CSMD1: variants seen among roughly 807,000 people sequenced by gnomAD.
The protein encoded by CSMD1 is CUB and Sushi multiple domains 1.
Under a neutral mutation model 417.5 loss-of-function variants are expected in CSMD1, and 213 were observed. That is an observed-to-expected ratio of 0.51 (90% CI 0.46 to 0.57). The LOEUF (loss-of-function observed/expected upper bound fraction) is 0.57, where lower values mean the gene tolerates loss of function less well. CSMD1 is among the 20% of genes least tolerant of loss of function. CSMD1 has a pLI of 0.00. For synonymous variants in CSMD1, 2,862 were observed against 1,736.8 expected, an observed-to-expected ratio of 1.65 and a Z score of -16.11; for missense variants, 6,923 against 4,529.7, an observed-to-expected ratio of 1.53 and a Z score of -15.17.
At chr8:4,269,972 A>C (rs1804476308) in intron 3 of CSMD1, among the ~76,000 whole-genome samples, 1 of 152,216 alleles carries the variant, frequency 6.6e-6, no homozygotes, top group South Asian at 2.1e-4. Context: ...GAGGCACAGC[A>C]AAATGTTGAC....
At chr8:4,206,019 A>G (rs188485933) in intron 3 of CSMD1, among the ~76,000 whole-genome samples, 52 of 152,166 alleles carry the variant, frequency 3.4e-4, no homozygotes, top group African/African-American at 1.2e-3. Flanking sequence ...CAGAAACTAC[A>G]TAGTTCCTCC....
intron 3 of CSMD1, among the ~76,000 whole-genome samples, chr8:4,386,408 T>C (rs1241442336): frequency 6.6e-6 from 1 of 152,218 alleles, no homozygotes; most frequent in Admixed American, 6.5e-5. Flanking sequence ...CGGTTATGAC[T>C]TCCATCCCAC....
intron 3 of CSMD1, among the ~76,000 whole-genome samples, chr8:4,133,167 G>C (rs932815550): frequency 6.6e-6 from 1 of 152,012 alleles, no homozygotes; most frequent in Non-Finnish European, 1.5e-5. Flanking sequence ...CAAACTCCTG[G>C]CCTTGTGATC....
intron 1 of CSMD1, among the ~76,000 whole-genome samples, chr8:4,736,271 C>A (rs1038043338): frequency 6.6e-6 from 1 of 152,090 alleles, no homozygotes; most frequent in Non-Finnish European, 1.5e-5. Context: ...TTATTTTCTT[C>A]AGGTCACTGC....
At chr8:4,080,509 A>T (rs1800074633) in intron 3 of CSMD1, among the ~76,000 whole-genome samples, 1 of 152,232 alleles carries the variant, frequency 6.6e-6, no homozygotes, top group African/African-American at 2.4e-5. Flanking sequence ...CTTGCAAAAG[A>T]AGATACTGAT....
At chr8:3,467,897 T>C (rs1037116128) in intron 12 of CSMD1, among the ~76,000 whole-genome samples, 10 of 152,246 alleles carry the variant, frequency 6.6e-5, no homozygotes, top group Non-Finnish European at 1.3e-4. Flanking sequence ...AATAAGAACA[T>C]ACTGCCTATT....
At chr8:4,316,767 C>T (rs1424286762) in intron 3 of CSMD1, among the ~76,000 whole-genome samples, 1 of 152,044 alleles carries the variant, frequency 6.6e-6, no homozygotes, top group Admixed American at 6.6e-5. Flanking sequence ...CCCCCAAAAC[C>T]CTTTTCAAAT....
intron 4 of CSMD1, among the ~76,000 whole-genome samples, chr8:4,025,375 C>T (rs1255863209): frequency 6.6e-6 from 1 of 152,094 alleles, no homozygotes; most frequent in African/African-American, 2.4e-5. Flanking sequence ...CCTGTAGGAC[C>T]CTAGATCTCA....
chr8:3,194,273 T>C (rs999881441), intron 33 of CSMD1, among the ~76,000 whole-genome samples: 3 of 152,046 alleles, frequency 2.0e-5, no homozygotes, highest in Non-Finnish European at 4.4e-5. Flanking sequence ...GGAAAATCAA[T>C]CAAAACATGT....
intron 3 of CSMD1, among the ~76,000 whole-genome samples, chr8:4,346,407 C>T (rs774023503): frequency 5.3e-5 from 8 of 152,134 alleles, no homozygotes; most frequent in Non-Finnish European, 1.0e-4. Flanking sequence ...TGAACAGTTA[C>T]ATCAGGGAGT....
chr8:4,469,908 C>A (rs1178790700), intron 2 of CSMD1, among the ~76,000 whole-genome samples: 1 of 151,842 alleles, frequency 6.6e-6, no homozygotes, highest in East Asian at 2.0e-4. Flanking sequence ...CGCTCTGTCG[C>A]CCTGGCTGGA....
chr8:3,754,550 G>A (rs758967479), intron 5 of CSMD1, among the ~76,000 whole-genome samples: 2 of 152,124 alleles, frequency 1.3e-5, no homozygotes, highest in African/African-American at 2.4e-5. Flanking sequence ...CGCCTCCTGG[G>A]TTCAAGCGAT....
intron 22 of CSMD1, among the ~76,000 whole-genome samples, chr8:3,343,826 G>C (rs1045818226): frequency 1.3e-5 from 2 of 152,032 alleles, no homozygotes; most frequent in Non-Finnish European, 2.9e-5. Context: ...TAATATTTTA[G>C]TCTTGAATAT....
intron 3 of CSMD1, among the ~76,000 whole-genome samples, chr8:4,359,107 A>G (rs1419203297): frequency 6.6e-6 from 1 of 152,206 alleles, no homozygotes; most frequent in Non-Finnish European, 1.5e-5. Flanking sequence ...AAATGCAGGA[A>G]TACTAGGGTA....
rs145689070 is a variant in CSMD1, at chr8:4,343,442, T to C, written c.415+76511A>G. ...AAAAAATTATTAAAAATGGTCACTA[T>C]GTGTGGTGATGAATATGTTACTTAG... On this transcript the variant is annotated intron_variant, in intron 3 of 69. Coordinates refer to ENST00000635120, the MANE Select transcript of CSMD1 (RefSeq NM_033225.6). Among the ~76,000 whole-genome samples, 16 of 152,214 alleles carry C rather than the reference T, an allele frequency of 1.1e-4. No individual in the cohort carries two copies. In the East Asian group the frequency reaches 2.9e-3, roughly 28 times the overall value.
At chr8:4,933,803 G>C (rs768077870) in intron 1 of CSMD1, among the ~76,000 whole-genome samples, 7 of 152,160 alleles carry the variant, frequency 4.6e-5, no homozygotes, top group Non-Finnish European at 7.3e-5. Context: ...AAGGGACCTA[G>C]ATGTGAGCCC....
intron 12 of CSMD1, among the ~76,000 whole-genome samples, chr8:3,426,690 A>G (rs1813863119): frequency 6.6e-6 from 1 of 152,218 alleles, no homozygotes; most frequent in African/African-American, 2.4e-5. Flanking sequence ...TTCTTACATT[A>G]CAAACCACTA....
chr8:4,820,210 G>T lies in CSMD1; in HGVS notation c.85+174122C>A, dbSNP rs113024269. Among the ~76,000 whole-genome samples the T allele has an allele frequency of 7.0e-3, 1,067 of 152,240 alleles. 8 individuals are homozygous for T. The highest frequency in any genetic ancestry group is 0.025 in the African/African-American group (1,037 of 41,542). ...AGCATCCTCTCTTGGCCTGGACAGA[G>T]AATGATATGCATTATTGAATTGTAG... On this transcript the variant is annotated intron_variant, in intron 1 of 69. Coordinates refer to ENST00000635120, the MANE Select transcript of CSMD1 (RefSeq NM_033225.6).
At chr8:3,800,337 A>C (rs1266086489) in intron 5 of CSMD1, among the ~76,000 whole-genome samples, 1 of 152,158 alleles carries the variant, frequency 6.6e-6, no homozygotes, top group South Asian at 2.1e-4. Context: ...ATAATATGTC[A>C]AAATATTATT....
Sources: gnomAD v4.1 joint callset for allele counts (sites outside exome capture counted in the v4.1 genomes callset) on GRCh38, gnomAD v4.1.1 for gene constraint, MANE v1.5 for transcripts, NCBI Gene and HGNC (gene_info 2026-07-23, HGNC 2026-07-21) for gene names.